Variants in SCGB2B2 observed in about 807,000 individuals in gnomAD.
The protein encoded by SCGB2B2 is secretoglobin-like protein.
In SCGB2B2, 11 loss-of-function variants were observed where a neutral mutation model predicts 7.6. That is an observed-to-expected ratio of 1.45 (90% CI 0.91 to 2.40). The LOEUF is 2.40. Ranked by LOEUF, SCGB2B2 falls within the 30% of genes most tolerant of loss-of-function variation. The pLI is 0.00. For synonymous variants in SCGB2B2, 50 were observed against 48.6 expected (o/e 1.03, Z -0.12); for missense variants, 104 against 115.4 (o/e 0.90, Z 0.45).
chr19:34,600,677 G>A (rs1377544111), intron 1 of SCGB2B2, among the ~76,000 whole-genome samples: 1 of 152,166 alleles, frequency 6.6e-6, no homozygotes, highest in Non-Finnish European at 1.5e-5. Context: ...TTAGTGAAAT[G>A]TGAATGGAAT....
chr19:34,605,564 G>A (rs2065753568), intron 1 of SCGB2B2, among the ~76,000 whole-genome samples: 1 of 152,000 alleles, frequency 6.6e-6, no homozygotes, highest in Non-Finnish European at 1.5e-5. Flanking sequence ...TTCTACCTAC[G>A]ATCTTAAAAT....
chr19:34,660,622 C>A (rs2067426359), intron 1 of SCGB2B2, among the ~76,000 whole-genome samples: 1 of 152,138 alleles, frequency 6.6e-6, no homozygotes, highest in African/African-American at 2.4e-5. Flanking sequence ...AATCAGGAAA[C>A]AACAGATGTT....
chr19:34,621,850 G>C (rs1456224615), intron 1 of SCGB2B2, among the ~76,000 whole-genome samples: 1 of 152,130 alleles, frequency 6.6e-6, no homozygotes, highest in African/African-American at 2.4e-5. Context: ...GTCCTCCTTG[G>C]CTGCATAGGT....
chr19:34,658,123 A>G (rs955441980), intron 1 of SCGB2B2, among the ~76,000 whole-genome samples: 1 of 152,220 alleles, frequency 6.6e-6, no homozygotes, highest in African/African-American at 2.4e-5. Flanking sequence ...TTATAGCACT[A>G]AATGCCCACA....
chr19:34,645,535 G>GACACACAC (rs774954800), intron 1 of SCGB2B2: 1 of 136,228 alleles, frequency 7.3e-6, no homozygotes, highest in African/African-American at 3.8e-5. Context: ...GACACACACA[G>GACACACAC]ACACAGACAC....
At chr19:34,656,762 C>T (rs1327447695) in intron 1 of SCGB2B2, among the ~76,000 whole-genome samples, 2 of 151,192 alleles carry the variant, frequency 1.3e-5, no homozygotes, top group Non-Finnish European at 2.9e-5. Flanking sequence ...ACCAGAAATA[C>T]TTTTAAAATG....
chr19:34,589,049 G>A (rs2065242843), downstream of SCGB2B2, among the ~76,000 whole-genome samples: 1 of 152,200 alleles, frequency 6.6e-6, no homozygotes, highest in African/African-American at 2.4e-5. Flanking sequence ...TCTGTGCTGA[G>A]AGATATGGGT....
intron 1 of SCGB2B2, among the ~76,000 whole-genome samples, chr19:34,610,395 G>A (rs1272914928): frequency 2.0e-5 from 3 of 152,114 alleles, no homozygotes; most frequent in Non-Finnish European, 4.4e-5. Flanking sequence ...CCAGATTTTA[G>A]AGGATGACAT....
intron 1 of SCGB2B2, among the ~76,000 whole-genome samples, chr19:34,624,936 C>A (rs902565549): frequency 6.6e-6 from 1 of 152,176 alleles, no homozygotes; most frequent in Admixed American, 6.5e-5. Context: ...AAGAAAAAAA[C>A]AGAGGATAAG....
chr19:34,655,630 C>T (rs921843006), intron 1 of SCGB2B2, among the ~76,000 whole-genome samples: 7 of 151,244 alleles, frequency 4.6e-5, no homozygotes, highest in African/African-American at 1.7e-4. Context: ...CCTCCTGAAT[C>T]TATGTCATGG....
intron 1 of SCGB2B2, among the ~76,000 whole-genome samples, chr19:34,643,333 C>G (rs1206167615): frequency 6.6e-6 from 1 of 151,938 alleles, no homozygotes; most frequent in Non-Finnish European, 1.5e-5. Flanking sequence ...AGACAAATAC[C>G]ACATGCACTC....
intron 1 of SCGB2B2, among the ~76,000 whole-genome samples, chr19:34,599,554 C>T (rs2065560073): frequency 6.6e-6 from 1 of 152,162 alleles, no homozygotes; most frequent in Non-Finnish European, 1.5e-5. Context: ...TCTCGTGAGA[C>T]TTATTCACTA....
chr19:34,605,501 T>G (rs2065751680), intron 1 of SCGB2B2, among the ~76,000 whole-genome samples: 1 of 152,240 alleles, frequency 6.6e-6, no homozygotes, highest in Non-Finnish European at 1.5e-5. Context: ...TGAAATCATG[T>G]AAGATGTAAC....
chr19:34,613,977 G>A (rs1446507317), intron 1 of SCGB2B2, among the ~76,000 whole-genome samples: 2 of 152,184 alleles, frequency 1.3e-5, no homozygotes, highest in Admixed American at 6.5e-5. Context: ...AAGTTTCTGT[G>A]AAGAAAATTG....
At chr19:34,644,644 T>C (rs953747421) in intron 1 of SCGB2B2, among the ~76,000 whole-genome samples, 14 of 152,206 alleles carry the variant, frequency 9.2e-5, no homozygotes, top group African/African-American at 3.4e-4. Context: ...ATACCACATT[T>C]GTCCTTTTGC....
At chr19:34,632,181 CATG>C (rs2066552766) in intron 1 of SCGB2B2, 1 of 152,168 alleles carries the variant, frequency 6.6e-6, no homozygotes, top group African/African-American at 2.4e-5. Context: ...AATTAAGTAA[CATG>C]AGATAATTTC....
At chr19:34,630,342 G>GA (rs2066494340) in intron 1 of SCGB2B2, among the ~76,000 whole-genome samples, 2 of 151,880 alleles carry the variant, frequency 1.3e-5, no homozygotes, top group South Asian at 2.1e-4. Flanking sequence ...CAAAATGGGA[G>GA]AAAATTTTTG....
intron 1 of SCGB2B2, among the ~76,000 whole-genome samples, chr19:34,604,614 G>A (rs372040394): frequency 6.6e-6 from 1 of 152,186 alleles, no homozygotes; most frequent in East Asian, 1.9e-4. Context: ...ACTTTCTATA[G>A]ATATGAAGAG....
chr19:34,599,629 C>T (rs1340969289), intron 1 of SCGB2B2, among the ~76,000 whole-genome samples: 1 of 152,154 alleles, frequency 6.6e-6, no homozygotes, highest in Non-Finnish European at 1.5e-5. Context: ...GCCTCCCACA[C>T]ATGTGGGAAT....
Sources: gnomAD v4.1 joint callset for allele counts (sites outside exome capture counted in the v4.1 genomes callset) on GRCh38, gnomAD v4.1.1 for gene constraint, MANE v1.5 for transcripts, NCBI Gene and HGNC (gene_info 2026-07-23, HGNC 2026-07-21) for gene names.